COL13A1: variants seen among roughly 807,000 people sequenced by gnomAD.
COL13A1 encodes the protein collagen alpha-1(XIII) chain.
Under a neutral mutation model 130.9 loss-of-function variants are expected in COL13A1, and 89 were observed. The observed-to-expected ratio is 0.68, with a 90% CI of 0.57 to 0.81. The LOEUF is 0.81. Ranked by LOEUF, COL13A1 falls within the 30% of genes least tolerant of loss-of-function variation. The probability of loss-of-function intolerance (pLI) is 0.00; values close to 1 mark genes in which losing one functional copy is unlikely to be tolerated. For missense variants in COL13A1, 879 were observed against 934.6 expected, an observed-to-expected ratio of 0.94 and a Z score of 0.78; for synonymous variants, 402 against 341.6, an observed-to-expected ratio of 1.18 and a Z score of -1.95.
At chr10:69,844,257 G>A (rs1205546802) in intron 2 of COL13A1, among the ~76,000 whole-genome samples, 2 of 152,206 alleles carry the variant, frequency 1.3e-5, no homozygotes, top group Non-Finnish European at 2.9e-5. Flanking sequence ...TGTCCAGGGA[G>A]GATGGGCCAT....
At chr10:69,829,643 C>A (rs1379749384) in intron 2 of COL13A1, among the ~76,000 whole-genome samples, 2 of 152,232 alleles carry the variant, frequency 1.3e-5, no homozygotes, top group Non-Finnish European at 1.5e-5. Context: ...GGAAGGTTGA[C>A]CATCACCTTG....
intron 2 of COL13A1, among the ~76,000 whole-genome samples, chr10:69,841,026 C>T (rs1851458790): frequency 6.6e-6 from 1 of 152,052 alleles, no homozygotes; most frequent in Non-Finnish European, 1.5e-5. Context: ...CCTTCACGAC[C>T]ATGTCCAGCA....
At position 69,810,787 on chromosome 10, in the gene COL13A1, G is replaced by A. The variant is rs549648995; in HGVS notation, c.294+8070G>A. Among the ~76,000 whole-genome samples, 3 of 152,356 alleles carry A rather than the reference G, an allele frequency of 2.0e-5. No individual in the cohort carries two copies. In the South Asian group the frequency reaches 6.2e-4, roughly 32 times the overall value. On this transcript the variant is annotated intron_variant, in intron 1 of 40. Transcript: ENST00000645393. ...TGCGCTGGGTGTTGTCTGGGCCACT[G>A]GCAGGCCCCAGCAGCAGCCCCTGCT...
intron 1 of COL13A1, among the ~76,000 whole-genome samples, chr10:69,810,338 C>T (rs574470423): frequency 1.5e-4 from 16 of 104,192 alleles, no homozygotes; most frequent in African/African-American, 5.2e-4. Flanking sequence ...ACCTGGCAGG[C>T]CCTGAGAATG....
chr10:69,828,632 T>A (rs1249638553), intron 2 of COL13A1, among the ~76,000 whole-genome samples: 2 of 152,212 alleles, frequency 1.3e-5, no homozygotes, highest in East Asian at 1.9e-4. Flanking sequence ...TCTCAGTTTC[T>A]ACCTAGTGAA....
At chr10:69,837,584 G>A (rs1002761953) in intron 2 of COL13A1, among the ~76,000 whole-genome samples, 4 of 152,234 alleles carry the variant, frequency 2.6e-5, no homozygotes, top group Non-Finnish European at 5.9e-5. Context: ...TTCTAGGGAT[G>A]AAGTCAGATC....
intron 30 of COL13A1, among the ~76,000 whole-genome samples, chr10:69,931,656 A>G (rs982799385): frequency 2.6e-5 from 4 of 152,200 alleles, no homozygotes; most frequent in Non-Finnish European, 4.4e-5. Context: ...CCACTGCACC[A>G]TGGGGCAGCC....
chr10:69,830,291 T>C (rs998536780), intron 2 of COL13A1, among the ~76,000 whole-genome samples: 2 of 152,158 alleles, frequency 1.3e-5, no homozygotes, highest in Non-Finnish European at 2.9e-5. Context: ...AACACTACTG[T>C]AGTAAGAAAA....
chr10:69,812,013 T>C (rs56181331), intron 1 of COL13A1, among the ~76,000 whole-genome samples: 9,046 of 152,092 alleles, frequency 0.059, 370 homozygotes, highest in East Asian at 0.085. Context: ...CCCCCCTAAC[T>C]CTTCTGCTCT....
At position 69,887,504 on chromosome 10, in the gene COL13A1, G is replaced by A; in HGVS notation, c.549+13G>A. The A allele has an allele frequency of 3.7e-6, 6 of 1,613,638 alleles. No individual in the cohort carries two copies. The highest frequency in any genetic ancestry group is 5.1e-6 in the Non-Finnish European group (6 of 1,179,800). On this transcript the variant is annotated intron_variant, in intron 8 of 40. Coordinates refer to ENST00000645393, the MANE Select transcript of COL13A1 (RefSeq NM_001368882.1). ...CCCTGGATTTCCGGTAAGTGGAGAA[G>A]GCTGAAGTTAGCTGTGTCCCAGGTG...
chr10:69,874,383 A>T (rs2059379428), intron 4 of COL13A1, among the ~76,000 whole-genome samples: 1 of 152,074 alleles, frequency 6.6e-6, no homozygotes, highest in South Asian at 2.1e-4. Context: ...TCTAGGCCCC[A>T]CCCCAGGTTT....
At position 69,945,194 on chromosome 10, in the gene COL13A1, G is replaced by A. The variant is rs181595606; in HGVS notation, c.1969-477G>A. Among the ~76,000 whole-genome samples the A allele has an allele frequency of 3.7e-3, 563 of 152,324 alleles. 2 individuals carry two copies. The highest frequency in any genetic ancestry group is 0.013 in the African/African-American group (536 of 41,566). On this transcript the variant is annotated intron_variant, in intron 36 of 40. Transcript: ENST00000645393. ...GGGCAGCTCCCTGCACTCCCCATCC[G>A]CCCACCTTGCTGGCTCTGTCTCAGG...
rs201436681 is a variant in COL13A1 at position 69,873,830 on chromosome 10, G to A, written c.400-1298G>A. On this transcript the variant is annotated intron_variant, in intron 4 of 40. Transcript: ENST00000645393. ...AAGACTGTGGATGTGAGCCCCTGGT[G>A]TACAAAGCAAAAGGTGTGGAGTACA... 5.3e-5 allele frequency among the ~76,000 whole-genome samples: 8 copies of A among 152,314 alleles called. No individual in the cohort carries two copies. In the South Asian group the frequency reaches 8.3e-4, roughly 16 times the overall value.
intron 20 of COL13A1, 58 bp from the exon 21 acceptor site, chr10:69,919,607 C>T (rs971442024): frequency 2.5e-6 from 1 of 398,896 alleles, no homozygotes; most frequent in African/African-American, 2.1e-5. Context: ...ACTGCCCATC[C>T]TACCCCTCAC....
chr10:69,824,183 G>C (rs113801790), intron 2 of COL13A1: 8 of 471,556 alleles, frequency 1.7e-5, no homozygotes, highest in African/African-American at 6.0e-5. Context: ...GCAAGGTAGA[G>C]ATTCCTCGAG....
At chr10:69,907,695 A>G (rs1054725301) in intron 17 of COL13A1, among the ~76,000 whole-genome samples, 7 of 152,234 alleles carry the variant, frequency 4.6e-5, no homozygotes, top group Admixed American at 1.3e-4. Context: ...CACTCTCACA[A>G]TAACTAAACC....
At chr10:69,837,738 T>A (rs1412313132) in intron 2 of COL13A1, among the ~76,000 whole-genome samples, 3 of 152,100 alleles carry the variant, frequency 2.0e-5, no homozygotes, top group African/African-American at 7.2e-5. Context: ...CCTTGTGGAG[T>A]GGCCCCTTAA....
intron 1 of COL13A1, among the ~76,000 whole-genome samples, chr10:69,815,545 A>T (rs1216169960): frequency 6.6e-6 from 1 of 152,114 alleles, no homozygotes; most frequent in Non-Finnish European, 1.5e-5. Context: ...TCAAAGTCAG[A>T]TGTCAAGGGG....
intron 14 of COL13A1, among the ~76,000 whole-genome samples, chr10:69,899,702 C>G (rs146174562): frequency 6.6e-6 from 1 of 152,366 alleles, no homozygotes; most frequent in Non-Finnish European, 1.5e-5. Flanking sequence ...TCACAAAGAA[C>G]AAAGCCATCT....
Sources: allele counts gnomAD v4.1 joint callset (sites outside exome capture counted in the v4.1 genomes callset), GRCh38; gene constraint gnomAD v4.1.1; transcripts MANE v1.5; gene names NCBI Gene and HGNC (gene_info 2026-07-23, HGNC 2026-07-21).